The following SLC24A2 variants were observed in gnomAD, a reference collection of about 807,000 sequenced individuals.
SLC24A2 encodes sodium/potassium/calcium exchanger 2.
A neutral mutation model predicts 62.0 loss-of-function variants in SLC24A2; 36 were observed. The ratio of observed to expected loss-of-function variants is 0.58; its 90% CI spans 0.44 to 0.77. The LOEUF (loss-of-function observed/expected upper bound fraction) is 0.77. Ranked by LOEUF, SLC24A2 falls within the 30% of genes least tolerant of loss-of-function variation. The probability of loss-of-function intolerance (pLI) is 0.00; values close to 1 mark genes in which losing one functional copy is unlikely to be tolerated. For synonymous variants in SLC24A2, 358 were observed against 294.0 expected (o/e 1.22, Z -2.23); for missense variants, 846 against 817.9 (o/e 1.03, Z -0.42).
At chr9:20,029,622 A>G in the SLC24A2 span, among the ~76,000 whole-genome samples, 1 of 152,210 alleles carries the variant, frequency 6.6e-6, no homozygotes, top group Non-Finnish European at 1.5e-5. Context: ...TACTTGTGAA[A>G]TGTCAGGCAG....
chr9:19,714,328 G>A (rs541016123), intron 2 of SLC24A2, among the ~76,000 whole-genome samples: 1 of 152,264 alleles, frequency 6.6e-6, no homozygotes, highest in African/African-American at 2.4e-5. Context: ...AGCACTCGCA[G>A]AACCATAAAG....
the SLC24A2 span, among the ~76,000 whole-genome samples, chr9:19,948,070 C>T: frequency 6.6e-6 from 1 of 152,116 alleles, no homozygotes; most frequent in African/African-American, 2.4e-5. Flanking sequence ...TCCCAGCTGT[C>T]AAGATAAAAT....
intron 8 of SLC24A2, among the ~76,000 whole-genome samples, chr9:19,532,640 G>T (rs147835297): frequency 1.3e-5 from 2 of 152,200 alleles, no homozygotes; most frequent in African/African-American, 2.4e-5. Flanking sequence ...GAACATGACT[G>T]TGAAGACCTG....
chr9:19,531,631 T>A (rs1833712500), intron 8 of SLC24A2, among the ~76,000 whole-genome samples: 1 of 152,034 alleles, frequency 6.6e-6, no homozygotes, highest in Admixed American at 6.6e-5. Context: ...TGATTTAAAT[T>A]CAACAAATAT....
intron 7 of SLC24A2, among the ~76,000 whole-genome samples, chr9:19,553,133 G>A (rs1460929477): frequency 6.6e-6 from 1 of 152,166 alleles, no homozygotes; most frequent in Non-Finnish European, 1.5e-5. Context: ...TACATTAGGT[G>A]AAATTATCTT....
chr9:19,751,712 T>C (rs1182674), intron 2 of SLC24A2, among the ~76,000 whole-genome samples: 50,640 of 151,922 alleles, frequency 0.33, 8,884 homozygotes, highest in African/African-American at 0.44. Context: ...GTGAGCAGAG[T>C]ACCAGGCTCA....
At chr9:19,530,684 T>G (rs1366984308) in intron 8 of SLC24A2, among the ~76,000 whole-genome samples, 1 of 152,172 alleles carries the variant, frequency 6.6e-6, no homozygotes, top group Non-Finnish European at 1.5e-5. Context: ...CCTCTCTAAA[T>G]CAATATTTGA....
the SLC24A2 span, among the ~76,000 whole-genome samples, chr9:20,028,505 A>T: frequency 1.3e-5 from 2 of 152,170 alleles, no homozygotes; most frequent in African/African-American, 4.8e-5. Context: ...AAGTCTCATC[A>T]GTCCTGCCTG....
chr9:19,801,123 G>T, the SLC24A2 span, among the ~76,000 whole-genome samples: 1 of 152,202 alleles, frequency 6.6e-6, no homozygotes, highest in Non-Finnish European at 1.5e-5. Flanking sequence ...CAAGATGGTG[G>T]CAAGCCTCGT....
chr9:19,735,306 G>C (rs1203726268), intron 2 of SLC24A2, among the ~76,000 whole-genome samples: 3 of 152,114 alleles, frequency 2.0e-5, no homozygotes, highest in African/African-American at 4.8e-5. Context: ...ACCACAACGA[G>C]ATACCATCTC....
chr9:19,620,610 C>G (rs1817885631), intron 3 of SLC24A2, among the ~76,000 whole-genome samples: 1 of 152,140 alleles, frequency 6.6e-6, no homozygotes, highest in Non-Finnish European at 1.5e-5. Context: ...AAGCAAACAA[C>G]CTAAAAACTC....
the SLC24A2 span, among the ~76,000 whole-genome samples, chr9:20,049,610 C>T: frequency 1.1e-5 from 1 of 90,932 alleles, no homozygotes; most frequent in South Asian, 3.8e-4. Context: ...CAAAAGAAAA[C>T]ATTTAATCCA....
the SLC24A2 span, among the ~76,000 whole-genome samples, chr9:20,023,518 G>A: frequency 7.9e-5 from 12 of 152,096 alleles, no homozygotes; most frequent in Non-Finnish European, 4.4e-5. Context: ...CACTTAGTCT[G>A]GAAGCCAAAG....
chr9:20,014,078 C>T, the SLC24A2 span, among the ~76,000 whole-genome samples: 2 of 152,012 alleles, frequency 1.3e-5, no homozygotes, highest in South Asian at 2.1e-4. Flanking sequence ...TGTGGTGGTA[C>T]ATGCCTATAG....
At chr9:19,703,421 C>T (rs543095344) in intron 2 of SLC24A2, among the ~76,000 whole-genome samples, 1 of 152,260 alleles carries the variant, frequency 6.6e-6, no homozygotes, top group African/African-American at 2.4e-5. Flanking sequence ...ATGAAGCACA[C>T]TAAAGATCCA....
At chr9:20,156,561 T>C in the SLC24A2 span, among the ~76,000 whole-genome samples, 1 of 151,790 alleles carries the variant, frequency 6.6e-6, no homozygotes, top group Non-Finnish European at 1.5e-5. Flanking sequence ...TCAGATCTTT[T>C]ATTCATCAAC....
the SLC24A2 span, among the ~76,000 whole-genome samples, chr9:20,124,017 T>C: frequency 3.9e-5 from 6 of 152,236 alleles, no homozygotes; most frequent in Admixed American, 3.9e-4. Flanking sequence ...AATATCTTTA[T>C]CTCATAGAAT....
chr9:20,250,431 G>A, the SLC24A2 span, among the ~76,000 whole-genome samples: 26 of 152,260 alleles, frequency 1.7e-4, no homozygotes, highest in Middle Eastern at 6.8e-3. Flanking sequence ...AATGAGCCCC[G>A]GAGTCTTCTT....
At chr9:19,922,567 C>T in the SLC24A2 span, among the ~76,000 whole-genome samples, 368 of 152,288 alleles carry the variant, frequency 2.4e-3, 6 homozygotes, top group East Asian at 0.06. Context: ...AGGCCTCCTC[C>T]CAGCTGTGCA....
Sources: gnomAD v4.1 joint callset for allele counts (sites outside exome capture counted in the v4.1 genomes callset) on GRCh38, gnomAD v4.1.1 for gene constraint, MANE v1.5 for transcripts, NCBI Gene and HGNC (gene_info 2026-07-23, HGNC 2026-07-21) for gene names.